IL1RL2: variants seen among roughly 807,000 people sequenced by gnomAD.
IL1RL2 encodes interleukin-1 receptor-like 2.
IL1RL2 carries 68 observed loss-of-function variants against 66.8 expected under a neutral mutation model. The ratio of observed to expected loss-of-function variants is 1.02; its 90% CI spans 0.84 to 1.25. The LOEUF is 1.25. Ranked by LOEUF, IL1RL2 falls within the 50% of genes most tolerant of loss-of-function variation. IL1RL2 has a pLI of 0.00. For missense variants in IL1RL2, 729 were observed against 709.3 expected, an observed-to-expected ratio of 1.03 and a Z score of -0.32; for synonymous variants, 305 against 264.6, an observed-to-expected ratio of 1.15 and a Z score of -1.48.
At chr2:102,193,575 C>G (rs1221071035) in intron 4 of IL1RL2, among the ~76,000 whole-genome samples, 1 of 152,134 alleles carries the variant, frequency 6.6e-6, no homozygotes, top group Non-Finnish European at 1.5e-5. Flanking sequence ...TGGTCTCGAA[C>G]TCCTGGCCTC....
intron 1 of IL1RL2, 112 bp downstream of exon 1, chr2:102,187,198 T>G: frequency 8.2e-7 from 1 of 1,226,248 alleles, no homozygotes; most frequent in South Asian, 1.3e-5. Flanking sequence ...AGGCCAGGGA[T>G]CAGGCCCCCC....
At chr2:102,188,418 A>C (rs1559523095) in intron 2 of IL1RL2, among the ~76,000 whole-genome samples, 1 of 152,054 alleles carries the variant, frequency 6.6e-6, no homozygotes, top group Admixed American at 6.5e-5. Flanking sequence ...CCCCGTCTCT[A>C]CTAAAAATAC....
In IL1RL2 at chr2:102,208,875, G is replaced by A. The variant is rs116189496; in HGVS notation, c.650-3225G>A. On this transcript the variant is annotated intron_variant, in intron 5 of 11. Transcript: ENST00000264257. ...GTCATTAAGAAAATTAATTGTACAA[G>A]GTTTTTTTGATTTTCCTGCTCTTGG... Among the ~76,000 whole-genome samples the A allele has an allele frequency of 2.7e-3, 411 of 152,280 alleles. 3 individuals carry two copies. The highest frequency in any genetic ancestry group is 9.4e-3 in the African/African-American group (390 of 41,548).
chr2:102,198,393 T>C lies in IL1RL2; in HGVS notation c.490-3163T>C, dbSNP rs139538232. On this transcript the variant is annotated intron_variant, in intron 4 of 11. Coordinates refer to ENST00000264257, the MANE Select transcript of IL1RL2 (RefSeq NM_003854.4). ...AGGACAAGGTTTGGGTATTAAGACA[T>C]CTGTCTACACCTGGAAAAGTGGTAA... is the stretch of plus-strand genomic sequence containing the variant. Among the ~76,000 whole-genome samples, 222 of 152,288 alleles carry C rather than the reference T, an allele frequency of 1.5e-3. 2 individuals carry two copies. The highest frequency in any genetic ancestry group is 5.0e-3 in the African/African-American group (207 of 41,554).
At chr2:102,242,445 G>T (rs1441548731), downstream of IL1RL2, among the ~76,000 whole-genome samples, 1 of 152,130 alleles carries the variant, frequency 6.6e-6, no homozygotes, top group Non-Finnish European at 1.5e-5. Flanking sequence ...CTCTCTGTGG[G>T]CTGGAGACCC....
chr2:102,203,984 T>C (rs955913200), intron 5 of IL1RL2, among the ~76,000 whole-genome samples: 10 of 152,132 alleles, frequency 6.6e-5, no homozygotes, highest in Admixed American at 2.6e-4. Flanking sequence ...AGATTGTTTG[T>C]TTGAAGTTTT....
chr2:102,232,815 G>A, intron 9 of IL1RL2, 148 bp from the exon 10 acceptor site: 1 of 744,218 alleles, frequency 1.3e-6, no homozygotes, highest in Non-Finnish European at 2.2e-6. Flanking sequence ...TCCCTTGGCA[G>A]CCCCTGGCAC....
chr2:102,225,071 C>G (rs1291669698), intron 8 of IL1RL2, among the ~76,000 whole-genome samples: 1 of 152,046 alleles, frequency 6.6e-6, no homozygotes, highest in African/African-American at 2.4e-5. Context: ...TCTTTCCTTC[C>G]TAGAGGGTCT....
chr2:102,216,119 A>G lies in IL1RL2; in HGVS notation c.725-2834A>G, dbSNP rs549757870. On this transcript the variant is annotated intron_variant, in intron 6 of 11. Transcript: ENST00000264257. ...AAGGAAACCCAGCTAGATACAAGAG[A>G]ATACAAGCAAATAATTTAATGAAAT... is the stretch of plus-strand genomic sequence containing the variant. Among the ~76,000 whole-genome samples, 188 of 152,362 alleles carry G rather than the reference A, an allele frequency of 1.2e-3. 1 individual carries two copies. The highest frequency in any genetic ancestry group is 4.2e-3 in the African/African-American group (176 of 41,590).
At chr2:102,222,146 T>C (rs1386035079) in intron 8 of IL1RL2, among the ~76,000 whole-genome samples, 2 of 152,218 alleles carry the variant, frequency 1.3e-5, no homozygotes, top group East Asian at 1.9e-4. Flanking sequence ...GAGAAGTATA[T>C]AGTATGCTTT....
intron 9 of IL1RL2, among the ~76,000 whole-genome samples, chr2:102,230,657 C>G (rs1171450261): frequency 6.6e-6 from 1 of 152,220 alleles, no homozygotes; most frequent in Non-Finnish European, 1.5e-5. Context: ...AGCTTCCTTT[C>G]ATGATGGGGT....
chr2:102,191,271 T>A, intron 3 of IL1RL2, among the ~76,000 whole-genome samples: 1 of 152,172 alleles, frequency 6.6e-6, no homozygotes, highest in South Asian at 2.1e-4. Context: ...CCTATTTCCT[T>A]TCAATGTATA....
At chr2:102,204,099 A>C (rs190169328) in intron 5 of IL1RL2, among the ~76,000 whole-genome samples, 1 of 152,122 alleles carries the variant, frequency 6.6e-6, no homozygotes, top group East Asian at 1.9e-4. Flanking sequence ...TATTTGTTTC[A>C]AGAAATTTTT....
intron 6 of IL1RL2, among the ~76,000 whole-genome samples, chr2:102,218,101 AC>A (rs1689766905): frequency 6.6e-6 from 1 of 152,182 alleles, no homozygotes; most frequent in Non-Finnish European, 1.5e-5. Flanking sequence ...CAAACAAAAA[AC>A]AAAAAACAGA....
chr2:102,237,645 T>C (rs892589852), intron 11 of IL1RL2, among the ~76,000 whole-genome samples: 7 of 152,186 alleles, frequency 4.6e-5, no homozygotes, highest in Non-Finnish European at 1.5e-5. Flanking sequence ...GAAATCGAGA[T>C]GCAAAGAAAC....
In IL1RL2 at chr2:102,236,996, G is replaced by A. The variant is rs78086983; in HGVS notation, c.1678+1719G>A. Among the ~76,000 whole-genome samples the A allele has an allele frequency of 7.2e-3, 1,089 of 152,208 alleles. 17 individuals are homozygous for A. Among genetic ancestry groups the A allele is most frequent in the African/African-American group, 0.025 (1,051 of 41,520 alleles). ...TCCAGAAAATACCTTTTCGTCTGACGGGTCAGCTTTCTATTTTGCTGACAG... is the reference window on the plus strand; with the variant it reads ...TCCAGAAAATACCTTTTCGTCTGACAGGTCAGCTTTCTATTTTGCTGACAG... On this transcript the variant is annotated intron_variant, in intron 11 of 11. Coordinates refer to ENST00000264257, the MANE Select transcript of IL1RL2 (RefSeq NM_003854.4).
chr2:102,242,919 A>G (rs572707276), downstream of IL1RL2, among the ~76,000 whole-genome samples: 1 of 152,352 alleles, frequency 6.6e-6, no homozygotes, highest in South Asian at 2.1e-4. Flanking sequence ...TATCTTTTAA[A>G]TAGATCTATT....
intron 4 of IL1RL2, among the ~76,000 whole-genome samples, chr2:102,200,292 T>G (rs1215567246): frequency 6.6e-6 from 1 of 152,152 alleles, no homozygotes; most frequent in African/African-American, 2.4e-5. Context: ...AGGGAAATAA[T>G]GTAAGCCTTA....
chr2:102,239,085 A>G (rs936531185), intron 11 of IL1RL2, 107 bp from the exon 12 acceptor site: 13 of 912,490 alleles, frequency 1.4e-5, no homozygotes, highest in Non-Finnish European at 2.2e-5. Context: ...CCACCAGATG[A>G]ACTGACGGCA....
Sources: allele counts gnomAD v4.1 joint callset (sites outside exome capture counted in the v4.1 genomes callset), GRCh38; gene constraint gnomAD v4.1.1; transcripts MANE v1.5; gene names NCBI Gene and HGNC (gene_info 2026-07-23, HGNC 2026-07-21).